TTBK2: variants seen among roughly 807,000 people sequenced by gnomAD.
TTBK2 encodes the protein tau tubulin kinase 2, also known as tau-tubulin kinase 2.
A neutral mutation model predicts 110.8 loss-of-function variants in TTBK2; 28 were observed. The ratio of observed to expected loss-of-function variants is 0.25; its 90% CI spans 0.19 to 0.35. TTBK2 has a LOEUF of 0.35. TTBK2 is among the 10% of genes least tolerant of loss of function. TTBK2 has a pLI of 1.00. For missense variants in TTBK2, 1,369 were observed against 1,500.3 expected (o/e 0.91, Z 1.45); for synonymous variants, 532 against 527.3 (o/e 1.01, Z -0.12).
intron 13 of TTBK2, among the ~76,000 whole-genome samples, chr15:42,761,709 T>C (rs2062029882): frequency 6.6e-6 from 1 of 152,060 alleles, no homozygotes; most frequent in Non-Finnish European, 1.5e-5. Context: ...GTATCACTAG[T>C]CATCAGGGAA....
At chr15:42,784,913 A>C in intron 10 of TTBK2, among the ~76,000 whole-genome samples, 1 of 152,184 alleles carries the variant, frequency 6.6e-6, no homozygotes, top group East Asian at 1.9e-4. Context: ...TGGGCTTGTA[A>C]GAAATTAAAT....
intron 13 of TTBK2, among the ~76,000 whole-genome samples, chr15:42,766,445 G>GAAAA (rs1424460257): frequency 2.0e-4 from 3 of 15,146 alleles, no homozygotes; most frequent in African/African-American, 1.6e-3. Context: ...CGAATGGAAA[G>GAAAA]CAAAAAAAAA....
At chr15:42,878,772 A>C in intron 1 of TTBK2, 88 bp from the exon 2 acceptor site, 1 of 1,476,110 alleles carries the variant, frequency 6.8e-7, no homozygotes, top group Non-Finnish European at 9.1e-7. Context: ...AGCACTACTA[A>C]TACTATACAC....
intron 9 of TTBK2, among the ~76,000 whole-genome samples, chr15:42,795,309 T>G (rs1394499314): frequency 6.6e-6 from 1 of 152,056 alleles, no homozygotes; most frequent in Admixed American, 6.6e-5. Flanking sequence ...TGTGTGCATG[T>G]TTGTGTGTCT....
At position 42,886,174 on chromosome 15, in the gene TTBK2, A is replaced by T. The variant is rs185656651; in HGVS notation, c.-67-7490T>A. On this transcript the variant is annotated intron_variant, in intron 1 of 14. Transcript: ENST00000267890. ...TCCTTCTTTTCTACGGACTCATCTGACCTCTCCCCTTCTCCCCAGGCTGCT... is the reference window on the plus strand; with the variant it reads ...TCCTTCTTTTCTACGGACTCATCTGTCCTCTCCCCTTCTCCCCAGGCTGCT... Among the ~76,000 whole-genome samples the T allele has an allele frequency of 7.6e-4, 114 of 150,820 alleles. 1 individual carries two copies. Among genetic ancestry groups the T allele is most frequent in the Admixed American group, 1.3e-3 (20 of 15,126 alleles).
At chr15:42,783,053 T>C (rs1890246876) in intron 11 of TTBK2, among the ~76,000 whole-genome samples, 1 of 152,192 alleles carries the variant, frequency 6.6e-6, no homozygotes, top group African/African-American at 2.4e-5. Context: ...GCATATCACA[T>C]CGATCCAGAG....
At chr15:42,822,472 G>A (rs539629691) in intron 6 of TTBK2, among the ~76,000 whole-genome samples, 19 of 152,122 alleles carry the variant, frequency 1.2e-4, no homozygotes, top group African/African-American at 3.9e-4. Context: ...AGGGCTGACA[G>A]AATTACAACA....
chr15:42,805,915 A>G (rs1265181999), intron 9 of TTBK2, among the ~76,000 whole-genome samples: 1 of 152,188 alleles, frequency 6.6e-6, no homozygotes, highest in African/African-American at 2.4e-5. Context: ...TGCCTAGGAG[A>G]GCTGTACAAC....
chr15:42,814,049 TC>T (rs1465572652), intron 7 of TTBK2, among the ~76,000 whole-genome samples: 4 of 152,118 alleles, frequency 2.6e-5, no homozygotes, highest in Non-Finnish European at 5.9e-5. Context: ...AGACAGAGTC[TC>T]GTTGTCGTCA....
chr15:42,773,379 G>C (rs1350811996), intron 13 of TTBK2, among the ~76,000 whole-genome samples: 1 of 151,616 alleles, frequency 6.6e-6, no homozygotes, highest in Non-Finnish European at 1.5e-5. Context: ...GGAGGTTGCA[G>C]TGAGCCGAGA....
intron 3 of TTBK2, among the ~76,000 whole-genome samples, chr15:42,866,983 G>A (rs939159510): frequency 6.6e-6 from 1 of 152,144 alleles, no homozygotes; most frequent in Non-Finnish European, 1.5e-5. Flanking sequence ...AGTGGCTCAC[G>A]CCTGTAATCC....
chr15:42,837,435 A>G (rs1297634917), intron 4 of TTBK2, among the ~76,000 whole-genome samples: 2 of 151,658 alleles, frequency 1.3e-5, no homozygotes, highest in Admixed American at 1.3e-4. Context: ...AGGTAGGTGG[A>G]TCACTTGAGG....
chr15:42,771,107 C>T (rs1336100910), intron 13 of TTBK2, among the ~76,000 whole-genome samples: 3 of 151,882 alleles, frequency 2.0e-5, no homozygotes, highest in Admixed American at 6.6e-5. Context: ...CCGGAGTAGC[C>T]GGGATTATAG....
chr15:42,781,715 T>C (rs1412092794), intron 11 of TTBK2, among the ~76,000 whole-genome samples: 1 of 152,194 alleles, frequency 6.6e-6, no homozygotes, highest in East Asian at 1.9e-4. Context: ...CACTGATTAC[T>C]AGATTAACTC....
At chr15:42,899,375 C>A (rs1895793460) in intron 1 of TTBK2, among the ~76,000 whole-genome samples, 1 of 151,922 alleles carries the variant, frequency 6.6e-6, no homozygotes, top group Non-Finnish European at 1.5e-5. Context: ...GTAGGCGGAT[C>A]ACTTGAGGTC....
rs144301772 is a variant in TTBK2 at position 42,834,196 on chromosome 15, AG to A, written c.292-4119del. 2.7e-3 allele frequency among the ~76,000 whole-genome samples: 338 copies of A among 124,312 alleles called. 2 individuals carry two copies. Among genetic ancestry groups the A allele is most frequent in the South Asian group, 0.02 (71 of 3,630 alleles). The allele number at this position is 124,312 out of a possible 152,430, so 81.6% of individuals were successfully genotyped here. On this transcript the variant is annotated intron_variant, in intron 4 of 14. Transcript: ENST00000267890. ...AAGACCCCATCTCAAAAAAAAAAAAAGGGGGGGGGTGTATAAAAGGAAAGAG... is the reference window on the plus strand; with the variant it reads ...AAGACCCCATCTCAAAAAAAAAAAAAGGGGGGGGTGTATAAAAGGAAAGAG...
At position 42,752,253 on chromosome 15, in the gene TTBK2, G is replaced by A. The variant is rs745988269; in HGVS notation, c.2993C>T (p.Ala998Val). ...FKSFLGDLSS[A>V]SDKLLEEKLA... Reference sequence around the variant, plus strand: ...TTTCTCCTCTAGCAATTTATCAGAGGCACTTGAGAGGTCGCCAAGGAAGGA... The same window carrying A: ...TTTCTCCTCTAGCAATTTATCAGAGACACTTGAGAGGTCGCCAAGGAAGGA... Residue 998 changes from alanine to valine, a missense_variant, in exon 14 of 15, where the codon GCC (alanine) becomes GTC (valine). Coordinates refer to ENST00000267890, the MANE Select transcript of TTBK2 (RefSeq NM_173500.4). 12 of 1,614,052 alleles carry A rather than the reference G, an allele frequency of 7.4e-6. No individual in the cohort carries two copies. Among genetic ancestry groups the A allele is most frequent in the Non-Finnish European group, 1.0e-5 (12 of 1,180,024 alleles).
chr15:42,804,030 A>AAAAAAAG (rs1555426199), intron 9 of TTBK2, among the ~76,000 whole-genome samples: 4 of 127,272 alleles, frequency 3.1e-5, no homozygotes, highest in African/African-American at 1.0e-4. Flanking sequence ...AAAAAAAAAA[A>AAAAAAAG]AGAGAGAGAT....
chr15:42,795,645 C>G (rs1890903683), intron 9 of TTBK2, among the ~76,000 whole-genome samples: 1 of 151,984 alleles, frequency 6.6e-6, no homozygotes, highest in African/African-American at 2.4e-5. Context: ...TATTACTTCA[C>G]CAGCCTGGCG....
Sources: gnomAD v4.1 joint callset for allele counts (sites outside exome capture counted in the v4.1 genomes callset) on GRCh38, gnomAD v4.1.1 for gene constraint, MANE v1.5 for transcripts, NCBI Gene and HGNC (gene_info 2026-07-23, HGNC 2026-07-21) for gene names.